SASH1: variants seen among roughly 807,000 people sequenced by gnomAD.
The protein encoded by SASH1 is SAM and SH3 domain containing 1.
A neutral mutation model predicts 125.2 loss-of-function variants in SASH1; 44 were observed. That is an observed-to-expected ratio of 0.35 (90% confidence interval 0.28 to 0.45). The LOEUF is 0.45. Among genes scored for constraint, SASH1 ranks in the 20% least tolerant of loss-of-function variants. The probability of loss-of-function intolerance (pLI) is 1.00; values close to 1 mark genes in which losing one functional copy is unlikely to be tolerated. For synonymous variants in SASH1, 639 were observed against 649.1 expected (o/e 0.98, Z 0.24); for missense variants, 1,426 against 1,614.5 (o/e 0.88, Z 2.00).
chr6:148,280,059 TCCC>T (rs1297196665), intron 1 of SASH1, among the ~76,000 whole-genome samples: 3 of 42,054 alleles, frequency 7.1e-5, no homozygotes, highest in African/African-American at 1.9e-4. Flanking sequence ...CTAACATCAT[TCCC>T]CCCCATCATT....
At chr6:148,514,485 A>AAAAAAAAC in intron 9 of SASH1, 29 bp downstream of exon 9, 1 of 1,271,138 alleles carries the variant, frequency 7.9e-7, no homozygotes. Context: ...AAAAAAAAAA[A>AAAAAAAAC]AGGCAGACTC....
chr6:148,434,734 T>C (rs560762750), intron 2 of SASH1, among the ~76,000 whole-genome samples: 1 of 152,354 alleles, frequency 6.6e-6, no homozygotes, highest in East Asian at 1.9e-4. Flanking sequence ...TCACTTTCTT[T>C]TTTTAATGTA....
At chr6:148,457,532 C>T (rs1374461057) in intron 4 of SASH1, among the ~76,000 whole-genome samples, 1 of 152,148 alleles carries the variant, frequency 6.6e-6, no homozygotes, top group Non-Finnish European at 1.5e-5. Flanking sequence ...GACTCTAGGC[C>T]AGAATCTCTT....
chr6:148,367,283 A>T (rs932260957), intron 1 of SASH1, among the ~76,000 whole-genome samples: 1 of 152,162 alleles, frequency 6.6e-6, no homozygotes, highest in African/African-American at 2.4e-5. Context: ...GTTTATAATT[A>T]TGCTTCCTTA....
chr6:148,269,912 T>A (rs1779023182), upstream of SASH1, among the ~76,000 whole-genome samples: 1 of 152,248 alleles, frequency 6.6e-6, no homozygotes, highest in Non-Finnish European at 1.5e-5. Flanking sequence ...TTTACTGGTA[T>A]TTGGCAGGTG....
chr6:148,429,640 G>A (rs1243577908), intron 2 of SASH1, among the ~76,000 whole-genome samples: 2 of 152,004 alleles, frequency 1.3e-5, no homozygotes, highest in Non-Finnish European at 2.9e-5. Flanking sequence ...CTGCTTGGGA[G>A]CCTCAGGCGG....
chr6:148,394,210 T>C (rs926989873), intron 2 of SASH1, among the ~76,000 whole-genome samples: 1 of 152,124 alleles, frequency 6.6e-6, no homozygotes. Context: ...TCTCTTTCTA[T>C]GAAATTCCAG....
chr6:148,339,579 T>C (rs1781264477), upstream of SASH1, among the ~76,000 whole-genome samples: 1 of 151,912 alleles, frequency 6.6e-6, no homozygotes, highest in East Asian at 1.9e-4. Flanking sequence ...TTTTTTGAGA[T>C]GGAGTCTCGC....
the SASH1 span, among the ~76,000 whole-genome samples, chr6:148,197,626 T>G: frequency 1.3e-5 from 2 of 152,164 alleles, no homozygotes; most frequent in African/African-American, 2.4e-5. Flanking sequence ...CTCCTGAGGG[T>G]CATTTTCCTA....
intron 10 of SASH1, chr6:148,525,008 T>G: frequency 2.6e-6 from 1 of 382,920 alleles, no homozygotes; most frequent in Non-Finnish European, 4.8e-6. Context: ...TTTCTTTTGT[T>G]TTTTAGGCTT....
At chr6:148,464,584 C>A (rs1777752984) in intron 4 of SASH1, among the ~76,000 whole-genome samples, 2 of 152,152 alleles carry the variant, frequency 1.3e-5, no homozygotes, top group African/African-American at 4.8e-5. Flanking sequence ...TAGTAAATGA[C>A]CCCTTCCACC....
Position 148,300,723 on chromosome 6 carries a change from T to C in SASH1, n.74+28346T>C, listed in dbSNP as rs1007204976. Among the ~76,000 whole-genome samples, 16 of 152,122 alleles carry C rather than the reference T, an allele frequency of 1.1e-4. No homozygotes were observed. The South Asian group carries it at 1.2e-3, about 12-fold the overall frequency. ...GTCTCGAACTCCTGACCTCAGGTGA[T>C]CTGCCTGCCTCGGCCTCCCAAAATG... On this transcript the variant is annotated intron_variant and non_coding_transcript_variant, in intron 1 of 3. Coordinates refer to the SASH1 transcript ENST00000367469.
chr6:148,356,163 C>T (rs1781930261), intron 1 of SASH1, among the ~76,000 whole-genome samples: 2 of 151,552 alleles, frequency 1.3e-5, no homozygotes, highest in Admixed American at 1.3e-4. Flanking sequence ...CTGCTCACTG[C>T]AGCTTCTGCC....
chr6:148,479,751 G>A (rs1458454909), intron 7 of SASH1: 1 of 153,068 alleles, frequency 6.5e-6, no homozygotes, highest in East Asian at 1.9e-4. Flanking sequence ...GGTTGCAGAA[G>A]CAGCTACAAA....
At chr6:148,249,938 T>C in the SASH1 span, among the ~76,000 whole-genome samples, 1 of 152,224 alleles carries the variant, frequency 6.6e-6, no homozygotes, top group East Asian at 1.9e-4. Flanking sequence ...AGAAAACATA[T>C]GTGCTTAGAA....
intron 1 of SASH1, among the ~76,000 whole-genome samples, chr6:148,345,417 C>G (rs960789517): frequency 5.3e-5 from 8 of 152,184 alleles, no homozygotes; most frequent in African/African-American, 1.9e-4. Flanking sequence ...TTCAGCTAAT[C>G]ATTCAGGATC....
chr6:148,387,564 T>TTCTCTTTCTTTCTTTC (rs1562370790), intron 1 of SASH1, among the ~76,000 whole-genome samples: 2 of 142,270 alleles, frequency 1.4e-5, no homozygotes, highest in Non-Finnish European at 3.1e-5. Flanking sequence ...TTTCTTTCTT[T>TTCTCTTTCTTTCTTTC]TCTCTTTCTT....
At chr6:148,531,457 C>G in intron 12 of SASH1, 69 bp from the exon 13 acceptor site, 1 of 1,340,846 alleles carries the variant, frequency 7.5e-7, no homozygotes, top group Non-Finnish European at 9.8e-7. Flanking sequence ...AAGGCCAAGT[C>G]GCTGAGAATT....
chr6:148,457,708 G>T (rs561569041), intron 4 of SASH1, among the ~76,000 whole-genome samples: 1 of 152,256 alleles, frequency 6.6e-6, no homozygotes, highest in East Asian at 1.9e-4. Context: ...TACTAACAAA[G>T]ACATACCCAA....
Sources: gnomAD v4.1 joint callset for allele counts (sites outside exome capture counted in the v4.1 genomes callset) on GRCh38, gnomAD v4.1.1 for gene constraint, MANE v1.5 for transcripts, NCBI Gene and HGNC (gene_info 2026-07-23, HGNC 2026-07-21) for gene names.